Variants in SPEN observed in about 807,000 individuals in gnomAD.
The protein encoded by SPEN is msx2-interacting protein.
A neutral mutation model predicts 269.9 loss-of-function variants in SPEN; 18 were observed. The ratio of observed to expected loss-of-function variants is 0.07; its 90% CI spans 0.05 to 0.10. SPEN has a LOEUF of 0.10. Among genes scored for constraint, SPEN ranks in the 10% least tolerant of loss-of-function variants. The pLI, the probability that SPEN is intolerant of heterozygous loss-of-function variation, is 1.00. For missense variants in SPEN, 3,822 were observed against 4,631.2 expected (o/e 0.83, Z 5.07); for synonymous variants, 1,726 against 1,765.7 (o/e 0.98, Z 0.56).
intron 3 of SPEN, among the ~76,000 whole-genome samples, chr1:15,899,537 G>GT (rs34565365): frequency 0.17 from 14,507 of 83,376 alleles, 2,657 homozygotes; most frequent in Admixed American, 0.23. Context: ...ATGTGGCAGA[G>GT]TTTTTTTTTT....
chr1:15,926,939 G>A (rs2071173281), intron 10 of SPEN, among the ~76,000 whole-genome samples: 1 of 152,100 alleles, frequency 6.6e-6, no homozygotes, highest in Admixed American at 6.5e-5. Flanking sequence ...TGATCCGCCT[G>A]CCTTGGCCTC....
chr1:15,934,792 T>C lies in SPEN; in HGVS notation c.8552T>C (p.Val2851Ala), dbSNP rs2071258315. The part of the protein sequence containing the change: ...SAMDIEFQQS[V>A]SKSQVKPDSV... ...ATGGACATTGAATTTCAGCAGTCAG[T>C]GTCCAAGTCCCAGGTCAAACCTGAT... Residue 2851 changes from valine to alanine, a missense_variant, in exon 11 of 15, where the codon GTG (valine) becomes GCG (alanine). This residue lies in a region of SPEN where 329 missense variants were observed against 431.2 expected (regional missense o/e 0.76). Transcript: ENST00000375759. This position sits in a 1 kb window ranked among gnomAD's most constrained non-coding sequence, Gnocchi z 9.2. 1 of 1,614,066 alleles carries C rather than the reference T, an allele frequency of 6.2e-7. No homozygotes were observed. Among genetic ancestry groups the C allele is most frequent in the Non-Finnish European group, 8.5e-7 (1 of 1,180,040 alleles).
intron 3 of SPEN, among the ~76,000 whole-genome samples, chr1:15,883,427 T>C (rs2070705629): frequency 6.6e-6 from 1 of 152,186 alleles, no homozygotes; most frequent in Non-Finnish European, 1.5e-5. Context: ...ATGTACTTTT[T>C]TTCTTTTTTT....
intron 1 of SPEN, among the ~76,000 whole-genome samples, chr1:15,856,943 A>G (rs1356490552): frequency 3.9e-5 from 6 of 152,200 alleles, no homozygotes; most frequent in Non-Finnish European, 8.8e-5. Flanking sequence ...TATATCTTAA[A>G]AATTCTATCT....
chr1:15,869,998 A>G (rs2070556797), intron 1 of SPEN, among the ~76,000 whole-genome samples: 1 of 151,768 alleles, frequency 6.6e-6, no homozygotes, highest in Admixed American at 6.6e-5. Context: ...CCTCCTGAGT[A>G]GCTGGGATTA....
At chr1:15,861,957 G>A (rs780446773) in intron 1 of SPEN, among the ~76,000 whole-genome samples, 16 of 152,174 alleles carry the variant, frequency 1.1e-4, no homozygotes, top group Non-Finnish European at 2.2e-4. Flanking sequence ...CAGGAGAATC[G>A]CTTGAACCTG....
At chr1:15,859,140 G>GTTTTTTTTTTTTTTT (rs34623941) in intron 1 of SPEN, among the ~76,000 whole-genome samples, 1 of 135,666 alleles carries the variant, frequency 7.4e-6, no homozygotes, top group African/African-American at 2.8e-5. Context: ...TTCTTTTTTA[G>GTTTTTTTTTTTTTTT]TTTTTTTTTT....
intron 3 of SPEN, among the ~76,000 whole-genome samples, chr1:15,879,012 A>C (rs1215727225): frequency 6.7e-6 from 1 of 150,016 alleles, no homozygotes; most frequent in Non-Finnish European, 1.5e-5. Context: ...CTCAAAAAAA[A>C]AAAAAAAAAA....
rs547083850 is a variant in SPEN, at chr1:15,899,369, G to A, written c.882-9952G>A. Among the ~76,000 whole-genome samples the A allele has an allele frequency of 1.9e-4, 29 of 151,912 alleles. 1 individual carries two copies. The South Asian group carries it at 5.0e-3, about 26-fold the overall frequency. On this transcript the variant is annotated intron_variant, in intron 3 of 14. Coordinates refer to ENST00000375759, the MANE Select transcript of SPEN (RefSeq NM_015001.3). The stretch of plus-strand genomic sequence containing the variant: ...GTTTTTGGTAATTTTTTGTAGAGAC[G>A]GGGTTTCGCCATGTTGGCCAGGCTG...
intron 1 of SPEN, among the ~76,000 whole-genome samples, chr1:15,856,565 CTTTTTT>C (rs34812900): frequency 9.8e-6 from 1 of 102,482 alleles, no homozygotes; most frequent in Non-Finnish European, 2.1e-5. Flanking sequence ...CTGCCAGATA[CTTTTTT>C]TTTTTTTTTT....
At position 15,911,075 on chromosome 1, in the gene SPEN, T is replaced by C. The variant is rs754318373; in HGVS notation, c.1043-26T>C. On this transcript the variant is annotated intron_variant, in intron 4 of 14. Coordinates refer to ENST00000375759, the MANE Select transcript of SPEN (RefSeq NM_015001.3). Reference sequence around the variant, plus strand: ...GTTATAATTAAATTAGAAGAATTAATAACTTGGTTTTTTTTGGGAATTTAG... The same window carrying C: ...GTTATAATTAAATTAGAAGAATTAACAACTTGGTTTTTTTTGGGAATTTAG... The C allele has an allele frequency of 2.6e-6, 4 of 1,557,102 alleles. 1 individual carries two copies.
intron 1 of SPEN, among the ~76,000 whole-genome samples, chr1:15,862,291 C>T: frequency 6.6e-6 from 1 of 152,162 alleles, no homozygotes; most frequent in Non-Finnish European, 1.5e-5. Flanking sequence ...GTTCTATTTA[C>T]AATTATACTT....
At chr1:15,868,570 G>C (rs1264488983) in intron 1 of SPEN, among the ~76,000 whole-genome samples, 3 of 151,976 alleles carry the variant, frequency 2.0e-5, no homozygotes, top group African/African-American at 7.2e-5. Context: ...AAGTAGCTGG[G>C]ACTACAGGTG....
intron 1 of SPEN, among the ~76,000 whole-genome samples, chr1:15,849,239 G>A (rs1164371718): frequency 1.3e-5 from 2 of 152,200 alleles, no homozygotes; most frequent in South Asian, 2.1e-4. Context: ...ACCCTGGAAG[G>A]TTTTAAGTTT....
rs555636921 is a variant in SPEN, at chr1:15,909,508, C to T, written c.1042+27C>T. On this transcript the variant is annotated intron_variant, in intron 4 of 14. Transcript: ENST00000375759. The stretch of plus-strand genomic sequence containing the variant: ...TAAAATTTTGTGTGAATGTCCTTTC[C>T]TCTGTGCTACTACTGAGGAATGAGG... The T allele has an allele frequency of 2.5e-4, 409 of 1,606,738 alleles. 9 individuals carry two copies. In the South Asian group the frequency reaches 4.3e-3, roughly 17 times the overall value.
In SPEN at chr1:15,861,239, C is replaced by A. The variant is rs369630419; in HGVS notation, c.84-11577C>A. 3.8e-4 allele frequency among the ~76,000 whole-genome samples: 58 copies of A among 150,888 alleles called. No homozygotes were observed. In the South Asian group the frequency reaches 0.012, roughly 31 times the overall value. ...TTCCACCTCCCGGGTTCAAGCGATT[C>A]TCCCGCCTCAGCCTCCCAAGTACCT... On this transcript the variant is annotated intron_variant, in intron 1 of 14. Coordinates refer to ENST00000375759, the MANE Select transcript of SPEN (RefSeq NM_015001.3).
chr1:15,932,552 G>C lies in SPEN; in HGVS notation c.6312G>C (p.Gly2104=), dbSNP rs761143178. ...TGGATGCTGCTGTCAGTCCCAGGGG[G>C]GCTGCAGCACAGGCAGGGGAGAGGG... is the stretch of plus-strand genomic sequence containing the variant. ...KNVDAAVSPR[G]AAAQAGERES... The change falls in exon 11 of 15, where the codon GGG becomes GGC. Residue 2104 remains glycine (G), a synonymous_variant. Coordinates refer to ENST00000375759, the MANE Select transcript of SPEN (RefSeq NM_015001.3). The surrounding 1 kb of genome is among the most constrained non-coding windows in gnomAD (Gnocchi z 4.2). 12 of 1,599,474 alleles carry C rather than the reference G, an allele frequency of 7.5e-6. No homozygotes were observed. In the African/African-American group the frequency reaches 1.3e-4, roughly 18 times the overall value.
At chr1:15,862,048 TA>T (rs1050644643) in intron 1 of SPEN, among the ~76,000 whole-genome samples, 1 of 151,868 alleles carries the variant, frequency 6.6e-6, no homozygotes. Context: ...TCTCAAAAAA[TA>T]AAAAAACAAA....
Position 15,934,105 on chromosome 1 carries a change from T to C in SPEN, c.7865T>C (p.Ile2622Thr), listed in dbSNP as rs2071250013. ...PVIAPKITSV[I>T]SRMPVSIDLE... ...ATTGCTCCCAAAATTACCTCTGTTA[T>C]TAGCCGGATGCCTGTCAGCATTGAC... The change falls in exon 11 of 15, where the codon ATT (isoleucine) becomes ACT (threonine). Residue 2622 changes from isoleucine to threonine, a missense_variant. By Grantham distance (89) the Ile-to-Thr change is moderately conservative. Coordinates refer to ENST00000375759, the MANE Select transcript of SPEN (RefSeq NM_015001.3). This position sits in a 1 kb window ranked among gnomAD's most constrained non-coding sequence, Gnocchi z 9.2. 2 of 1,613,444 alleles carry C rather than the reference T, an allele frequency of 1.2e-6. No homozygotes were observed. The highest frequency in any genetic ancestry group is 1.7e-6 in the Non-Finnish European group (2 of 1,179,472).
Sources: gnomAD v4.1 joint callset for allele counts (sites outside exome capture counted in the v4.1 genomes callset) on GRCh38, gnomAD v4.1.1 for gene constraint, gnomAD v4.1.1 regional missense constraint, Gnocchi (gnomAD v3.1) non-coding constraint, MANE v1.5 for transcripts, NCBI Gene and HGNC (gene_info 2026-07-23, HGNC 2026-07-21) for gene names.